EZR: variants seen among roughly 807,000 people sequenced by gnomAD.
EZR encodes ezrin.
EZR carries 40 observed loss-of-function variants against 74.8 expected under a neutral mutation model. The ratio of observed to expected loss-of-function variants is 0.53; its 90% CI spans 0.42 to 0.70. EZR has a LOEUF of 0.70. Among genes scored for constraint, EZR ranks in the 30% least tolerant of loss-of-function variants. EZR has a pLI of 0.00. For synonymous variants in EZR, 341 were observed against 283.3 expected (o/e 1.20, Z -2.05); for missense variants, 678 against 755.8 (o/e 0.90, Z 1.21).
chr6:158,813,659 T>C (rs1362943765), intron 2 of EZR, among the ~76,000 whole-genome samples: 2 of 152,242 alleles, frequency 1.3e-5, no homozygotes, highest in African/African-American at 4.8e-5. Context: ...TAGAAAAGGT[T>C]ATGTATTCCC....
intron 9 of EZR, 105 bp downstream of exon 9, chr6:158,771,139 C>T: frequency 2.7e-6 from 4 of 1,484,100 alleles, no homozygotes; most frequent in Non-Finnish European, 1.8e-6. Flanking sequence ...GGTTCCATTC[C>T]ACCACACTCT....
chr6:158,788,955 G>A (rs190141214), intron 3 of EZR, among the ~76,000 whole-genome samples: 5 of 152,202 alleles, frequency 3.3e-5, no homozygotes, highest in Admixed American at 6.5e-5. Flanking sequence ...CAGGGTGAGA[G>A]ACACACAGGC....
At chr6:158,802,478 T>C (rs1777206797) in intron 2 of EZR, among the ~76,000 whole-genome samples, 1 of 152,258 alleles carries the variant, frequency 6.6e-6, no homozygotes. Flanking sequence ...TTAGTTCTTC[T>C]GGAATATTTG....
chr6:158,814,879 T>C (rs973513461), intron 2 of EZR, among the ~76,000 whole-genome samples: 1 of 152,136 alleles, frequency 6.6e-6, no homozygotes, highest in Non-Finnish European at 1.5e-5. Flanking sequence ...GGAAACAGTA[T>C]TAGGAGAAAA....
chr6:158,802,896 T>C (rs1012856051), intron 2 of EZR, among the ~76,000 whole-genome samples: 4 of 152,158 alleles, frequency 2.6e-5, no homozygotes, highest in African/African-American at 9.7e-5. Context: ...ATCCAGCCCA[T>C]GTCCAGTATC....
At chr6:158,781,381 G>A (rs1182120571) in intron 7 of EZR, among the ~76,000 whole-genome samples, 1 of 152,150 alleles carries the variant, frequency 6.6e-6, no homozygotes, top group Non-Finnish European at 1.5e-5. Flanking sequence ...AACCATCTGA[G>A]AGAGTTGCCA....
chr6:158,776,732 G>C (rs1307380878), intron 7 of EZR, among the ~76,000 whole-genome samples: 1 of 152,106 alleles, frequency 6.6e-6, no homozygotes, highest in East Asian at 1.9e-4. Flanking sequence ...CATTTCCTTT[G>C]GTTTTTCCTC....
At position 158,798,622 on chromosome 6, in the gene EZR, CTTT is replaced by C. The variant is rs147757313; in HGVS notation, c.13-9254_13-9252del. 7.5e-3 allele frequency among the ~76,000 whole-genome samples: 918 copies of C among 122,190 alleles called. 22 individuals are homozygous for C. The highest frequency in any genetic ancestry group is 0.012 in the African/African-American group (371 of 31,660). The allele number at this position is 122,190 out of a possible 152,430, so 80.2% of individuals were successfully genotyped here. Reference sequence around the variant, plus strand: ...AAAAGGGACTTAGTTTGCTGCTCCGCTTTTTTTTTTTTTTTTTTTTTTTTTGAG... The same window carrying C: ...AAAAGGGACTTAGTTTGCTGCTCCGCTTTTTTTTTTTTTTTTTTTTTTGAG... On this transcript the variant is annotated intron_variant, in intron 2 of 13. Transcript: ENST00000367075.
chr6:158,780,053 T>C (rs1583564145), intron 7 of EZR, among the ~76,000 whole-genome samples: 1 of 151,916 alleles, frequency 6.6e-6, no homozygotes. Context: ...AGTGGTGGCA[T>C]GTGCCTGTAA....
intron 10 of EZR, 43 bp from the exon 11 acceptor site, chr6:158,769,987 G>A (rs2128565042): frequency 2.5e-6 from 4 of 1,599,758 alleles, no homozygotes; most frequent in Non-Finnish European, 3.4e-6. Context: ...CCTCAGCCCA[G>A]GGACCTAGGA....
At position 158,785,783 on chromosome 6, in the gene EZR, T is replaced by C. The variant is rs572179911; in HGVS notation, c.193-200A>G. ...ACCACAGGCCAGACATGGTGGCTCA[T>C]GCCTATAATCCCAGTGCTTTGGGAG... On this transcript the variant is annotated intron_variant, in intron 4 of 13. Coordinates refer to ENST00000367075, the MANE Select transcript of EZR (RefSeq NM_001111077.2). Among the ~76,000 whole-genome samples the C allele has an allele frequency of 2.6e-5, 4 of 152,110 alleles. No homozygotes were observed. The South Asian group carries it at 6.2e-4, about 24-fold the overall frequency.
intron 2 of EZR, among the ~76,000 whole-genome samples, chr6:158,807,041 A>T (rs1476408004): frequency 6.6e-6 from 1 of 152,202 alleles, no homozygotes; most frequent in South Asian, 2.1e-4. Context: ...GGCCAGGCGC[A>T]GTGGCTCACG....
intron 2 of EZR, among the ~76,000 whole-genome samples, chr6:158,813,812 A>G (rs1777496936): frequency 6.6e-6 from 1 of 152,220 alleles, no homozygotes; most frequent in Admixed American, 6.5e-5. Context: ...AACAGGTAAG[A>G]TGTGTTGGAG....
In EZR at chr6:158,767,043, C is replaced by T; in HGVS notation, c.1632G>A (p.Glu544=). ...TGATGTCATTGTGGGTCCTCTTATT[C>T]TCATCTCGGGCCTGGGACAGCTCGC... ...LSSELSQARD[E]NKRTHNDIIH... Residue 544 remains glutamate (E), a synonymous_variant, in exon 14 of 14, where the codon GAG becomes GAA. Coordinates refer to ENST00000367075, the MANE Select transcript of EZR (RefSeq NM_001111077.2). 1.2e-6 allele frequency: 2 copies of T among 1,614,192 alleles called. No homozygotes were observed. The highest frequency in any genetic ancestry group is 1.3e-5 in the African/African-American group (1 of 75,042).
At chr6:158,817,882 A>G in intron 2 of EZR, 200 bp downstream of exon 2, 1 of 457,980 alleles carries the variant, frequency 2.2e-6, no homozygotes, top group Admixed American at 3.5e-5. Flanking sequence ...AGAGAAAAGC[A>G]TCAAAATGGT....
Position 158,770,811 on chromosome 6 carries a change from A to G in EZR, c.1043T>C (p.Met348Thr). The G allele has an allele frequency of 6.2e-7, 1 of 1,614,148 alleles. No individual in the cohort carries two copies. Among genetic ancestry groups the G allele is most frequent in the Non-Finnish European group, 8.5e-7 (1 of 1,180,026 alleles). ...CTCCTCATAGTCCTGCAGCCGCAGCATCAACTCCTCCTTCTCGCGCATCAT... is the reference window on the plus strand; with the variant it reads ...CTCCTCATAGTCCTGCAGCCGCAGCGTCAACTCCTCCTTCTCGCGCATCAT... Reference protein sequence around the residue: ...EQMMREKEELMLRLQDYEEKT... With the variant: ...EQMMREKEELTLRLQDYEEKT... Residue 348 changes from methionine to threonine, a missense_variant, in exon 10 of 14, where the codon ATG (methionine) becomes ACG (threonine). By Grantham distance (81) the Met-to-Thr change is moderately conservative (BLOSUM62 -1). This residue lies in a region of EZR where 342 missense variants were observed against 341.2 expected (regional missense o/e 1.00). Transcript: ENST00000367075.
intron 8 of EZR, among the ~76,000 whole-genome samples, chr6:158,773,907 G>C (rs1470635792): frequency 2.0e-5 from 3 of 152,198 alleles, no homozygotes; most frequent in Non-Finnish European, 4.4e-5. Flanking sequence ...ACCTGGGCAG[G>C]CCGTGTCAGC....
Position 158,785,500 on chromosome 6 carries a change from C to A in EZR, c.276G>T (p.Glu92Asp). The A allele has an allele frequency of 1.2e-6, 2 of 1,614,184 alleles. No individual in the cohort carries two copies. The highest frequency in any genetic ancestry group is 1.3e-5 in the African/African-American group (1 of 75,050). ...GTTTCTGGGTGATGTCCTGGATGAG[C>A]TCCTCAGCCACATCTTCAGGGTAGA... is the stretch of plus-strand genomic sequence containing the variant. ...AKFYPEDVAE[E>D]LIQDITQKLF... The change falls in exon 5 of 14, where the codon GAG becomes GAT. Residue 92 changes from glutamate (E) to aspartate (D), a missense_variant. By Grantham distance (45) the Glu-to-Asp change is conservative. Around this residue, in one of 3 missense-constraint regions of EZR, gnomAD observed 217 missense variants for 232.2 expected, o/e 0.93. Coordinates refer to ENST00000367075, the MANE Select transcript of EZR (RefSeq NM_001111077.2).
chr6:158,795,660 T>TCCC (rs1408895688), intron 2 of EZR, among the ~76,000 whole-genome samples: 2 of 152,156 alleles, frequency 1.3e-5, no homozygotes, highest in Admixed American at 1.3e-4. Context: ...GCCCTTCCTA[T>TCCC]CCCCGAGTGG....
Sources: gnomAD v4.1 joint callset for allele counts (sites outside exome capture counted in the v4.1 genomes callset) on GRCh38, gnomAD v4.1.1 for gene constraint, gnomAD v4.1.1 regional missense constraint, MANE v1.5 for transcripts, NCBI Gene and HGNC (gene_info 2026-07-23, HGNC 2026-07-21) for gene names.